The following TMOD1 variants were observed in gnomAD, a reference collection of about 807,000 sequenced individuals.
TMOD1 encodes tropomodulin 1.
In TMOD1, 17 loss-of-function variants were observed where a neutral mutation model predicts 40.6. The ratio of observed to expected loss-of-function variants is 0.42; its 90% CI spans 0.29 to 0.63. The LOEUF (loss-of-function observed/expected upper bound fraction) is 0.63. Ranked by LOEUF, TMOD1 falls within the 20% of genes least tolerant of loss-of-function variation. The pLI, the probability that TMOD1 is intolerant of heterozygous loss-of-function variation, is 0.22. For missense variants in TMOD1, 391 were observed against 447.6 expected, an observed-to-expected ratio of 0.87 and a Z score of 1.14; for synonymous variants, 181 against 175.0, an observed-to-expected ratio of 1.03 and a Z score of -0.27.
In TMOD1 at chr9:97,601,363, T is replaced by G. The variant is rs1369834848; in HGVS notation, c.*1665T>G. The stretch of plus-strand genomic sequence containing the variant: ...CAGTGCTGGATGACCTCAGTAAGAA[T>G]GTGTCATGTATTCCAGGTGCTGATC... On this transcript the variant is annotated 3_prime_UTR_variant, in exon 10 of 10. Coordinates refer to ENST00000259365, the MANE Select transcript of TMOD1 (RefSeq NM_003275.4). 1 of 1,110,244 alleles carries G rather than the reference T, an allele frequency of 9.0e-7. No individual in the cohort carries two copies. The highest frequency in any genetic ancestry group is 1.1e-6 in the Non-Finnish European group (1 of 899,016). The allele number at this position is 1,110,244 out of a possible 1,614,324, so 68.8% of individuals were successfully genotyped here. A position where few individuals can be genotyped will look rare whatever the true frequency, so the allele number is the denominator to read the frequency against.
chr9:97,511,579 T>C (rs1332398367), intron 1 of TMOD1, among the ~76,000 whole-genome samples: 1 of 152,230 alleles, frequency 6.6e-6, no homozygotes, highest in African/African-American at 2.4e-5. Context: ...GCAGTTTTTG[T>C]TTGTTTGCTT....
Position 97,601,378 on chromosome 9 carries a change from A to T in TMOD1, c.*1680A>T. 9.3e-7 allele frequency: 1 copy of T among 1,071,388 alleles called. No homozygotes were observed. Among genetic ancestry groups the T allele is most frequent in the African/African-American group, 1.7e-5 (1 of 59,096 alleles). The allele number at this position is 1,071,388 out of a possible 1,614,324, so 66.4% of individuals were successfully genotyped here. A position where few individuals can be genotyped will look rare whatever the true frequency, so the allele number is the denominator to read the frequency against. On this transcript the variant is annotated 3_prime_UTR_variant, in exon 10 of 10. Transcript: ENST00000259365. ...TCAGTAAGAATGTGTCATGTATTCC[A>T]GGTGCTGATCTAAAAACTGTGGCTC...
rs78940824 is a variant in TMOD1 at position 97,540,971 on chromosome 9, T to C, written c.121-5214T>C. 2.8e-4 allele frequency among the ~76,000 whole-genome samples: 43 copies of C among 152,196 alleles called. No individual in the cohort carries two copies. The East Asian group carries it at 6.6e-3, about 23-fold the overall frequency. The stretch of plus-strand genomic sequence containing the variant: ...CATTCCTACCAGCAGTGTATGAGAG[T>C]TCTAGTTGCTCTATATTCTCATCAG... On this transcript the variant is annotated intron_variant, in intron 2 of 9. Coordinates refer to ENST00000259365, the MANE Select transcript of TMOD1 (RefSeq NM_003275.4).
intron 2 of TMOD1, among the ~76,000 whole-genome samples, chr9:97,540,818 T>C (rs1830265984): frequency 1.3e-5 from 2 of 152,242 alleles, no homozygotes; most frequent in Admixed American, 1.3e-4. Context: ...TTATTATGAA[T>C]AATGCTGTTA....
intron 1 of TMOD1, among the ~76,000 whole-genome samples, chr9:97,518,278 C>A (rs924344687): frequency 1.4e-5 from 2 of 146,832 alleles, no homozygotes; most frequent in Non-Finnish European, 3.1e-5. Flanking sequence ...GTAGACACTG[C>A]GAAGAAAAAA....
Position 97,509,534 on chromosome 9 carries a change from A to C in TMOD1, c.-49+7731A>C, listed in dbSNP as rs1324576670. On this transcript the variant is annotated intron_variant, in intron 1 of 9. Coordinates refer to ENST00000259365, the MANE Select transcript of TMOD1 (RefSeq NM_003275.4). ...TTTGTTTTTTGTTTTTTTTTTAGAC[A>C]AGGTCTCACTCTTTCACCCAGGCTG... Among the ~76,000 whole-genome samples the C allele has an allele frequency of 1.4e-5, 2 of 145,720 alleles. 1 individual carries two copies. The highest frequency in any genetic ancestry group is 3.0e-5 in the Non-Finnish European group (2 of 66,870).
chr9:97,557,256 A>T lies in TMOD1; in HGVS notation c.397+3856A>T, dbSNP rs546073946. On this transcript the variant is annotated intron_variant, in intron 4 of 9. Coordinates refer to ENST00000259365, the MANE Select transcript of TMOD1 (RefSeq NM_003275.4). The surrounding 1 kb of genome is among the most constrained non-coding windows in gnomAD (Gnocchi z 4.4). ...AGTGCACAGGTTCCTGGCAGGGCTAAGTTCTTGGCGCATAGCCTACAGGGT... is the reference window on the plus strand; with the variant it reads ...AGTGCACAGGTTCCTGGCAGGGCTATGTTCTTGGCGCATAGCCTACAGGGT... Among the ~76,000 whole-genome samples the T allele has an allele frequency of 6.4e-4, 97 of 152,284 alleles. No homozygotes were observed. Among genetic ancestry groups the T allele is most frequent in the Non-Finnish European group, 1.1e-3 (73 of 68,024 alleles).
chr9:97,523,351 A>G (rs1413143093), intron 1 of TMOD1, among the ~76,000 whole-genome samples: 1 of 152,108 alleles, frequency 6.6e-6, no homozygotes, highest in African/African-American at 2.4e-5. Flanking sequence ...CTGCTGGCAA[A>G]CCAATTCTTC....
chr9:97,594,351 T>C (rs1229071863), intron 9 of TMOD1, among the ~76,000 whole-genome samples: 1 of 152,254 alleles, frequency 6.6e-6, no homozygotes, highest in Non-Finnish European at 1.5e-5. Flanking sequence ...TCCTCCTGAC[T>C]TTACAACAGA....
intron 1 of TMOD1, among the ~76,000 whole-genome samples, chr9:97,514,944 C>T (rs913630881): frequency 2.0e-5 from 3 of 152,148 alleles, no homozygotes; most frequent in Non-Finnish European, 2.9e-5. Flanking sequence ...CAGGATGTGT[C>T]GGTCCTGGGT....
rs574454052 is a variant in TMOD1, at chr9:97,557,250, G to A, written c.397+3850G>A. 4.8e-4 allele frequency among the ~76,000 whole-genome samples: 73 copies of A among 152,312 alleles called. No homozygotes were observed. The highest frequency in any genetic ancestry group is 1.7e-3 in the African/African-American group (69 of 41,548). ...AAGCAGAGTGCACAGGTTCCTGGCA[G>A]GGCTAAGTTCTTGGCGCATAGCCTA... On this transcript the variant is annotated intron_variant, in intron 4 of 9. Coordinates refer to ENST00000259365, the MANE Select transcript of TMOD1 (RefSeq NM_003275.4). This position sits in a 1 kb window ranked among gnomAD's most constrained non-coding sequence, Gnocchi z 4.4.
At chr9:97,525,185 A>G (rs979952655) in intron 2 of TMOD1, among the ~76,000 whole-genome samples, 1 of 152,252 alleles carries the variant, frequency 6.6e-6, no homozygotes, top group Admixed American at 6.5e-5. Flanking sequence ...GGTAAAGTCC[A>G]TGAGTGATGT....
At chr9:97,555,418 C>T (rs1226111148) in intron 4 of TMOD1, 4 of 1,379,642 alleles carry the variant, frequency 2.9e-6, no homozygotes, top group Non-Finnish European at 3.7e-6. Flanking sequence ...AAATGACTGC[C>T]GGCGCCTGCG....
chr9:97,506,364 T>C (rs375565027), intron 1 of TMOD1, among the ~76,000 whole-genome samples: 1 of 152,198 alleles, frequency 6.6e-6, no homozygotes, highest in East Asian at 1.9e-4. Context: ...GCTCAGAGCT[T>C]AATGTGTGAC....
intron 2 of TMOD1, among the ~76,000 whole-genome samples, chr9:97,528,899 C>T (rs574404693): frequency 6.6e-6 from 1 of 152,376 alleles, no homozygotes; most frequent in Admixed American, 6.5e-5. Flanking sequence ...ATGGCACTCA[C>T]TATGTGCAGG....
intron 8 of TMOD1, among the ~76,000 whole-genome samples, chr9:97,590,096 G>T (rs1477865937): frequency 6.6e-6 from 1 of 150,414 alleles, no homozygotes; most frequent in Non-Finnish European, 1.5e-5. Flanking sequence ...ATTGGTTCAT[G>T]GCCATCTTTA....
chr9:97,518,230 A>C (rs958575859), intron 1 of TMOD1, among the ~76,000 whole-genome samples: 3 of 152,226 alleles, frequency 2.0e-5, no homozygotes, highest in Non-Finnish European at 4.4e-5. Context: ...TGCTGTCCTC[A>C]GAAAAAGGGG....
intron 8 of TMOD1, among the ~76,000 whole-genome samples, chr9:97,584,251 G>T (rs565988954): frequency 6.6e-6 from 1 of 152,054 alleles, no homozygotes; most frequent in East Asian, 1.9e-4. Context: ...CCTTCATTTC[G>T]TTATGTACCC....
chr9:97,553,448 C>T (rs1227536960), intron 4 of TMOD1, 48 bp downstream of exon 4: 3 of 1,611,602 alleles, frequency 1.9e-6, no homozygotes, highest in Non-Finnish European at 2.5e-6. Flanking sequence ...AGGATTTGAC[C>T]CACATCTGCA....
Sources: gnomAD v4.1 joint callset for allele counts (sites outside exome capture counted in the v4.1 genomes callset) on GRCh38, gnomAD v4.1.1 for gene constraint, Gnocchi (gnomAD v3.1) non-coding constraint, MANE v1.5 for transcripts, NCBI Gene and HGNC (gene_info 2026-07-23, HGNC 2026-07-21) for gene names.